The following DIO2 variants were observed in gnomAD, a reference collection of about 807,000 sequenced individuals.
DIO2 encodes the protein iodothyronine deiodinase 2.
A neutral mutation model predicts 21.4 loss-of-function variants in DIO2; 19 were observed. That is an observed-to-expected ratio of 0.89 (90% CI 0.62 to 1.30). The LOEUF (loss-of-function observed/expected upper bound fraction) is 1.30. DIO2 is among the 50% of genes most tolerant of loss of function. The probability of loss-of-function intolerance (pLI) is 0.00; values close to 1 mark genes in which losing one functional copy is unlikely to be tolerated. For missense variants in DIO2, 302 were observed against 338.1 expected, an observed-to-expected ratio of 0.89 and a Z score of 0.84; for synonymous variants, 122 against 132.9, an observed-to-expected ratio of 0.92 and a Z score of 0.57.
chr14:80,207,862 T>C (rs1180324946), intron 1 of DIO2, among the ~76,000 whole-genome samples: 1 of 152,208 alleles, frequency 6.6e-6, no homozygotes, highest in Non-Finnish European at 1.5e-5. Context: ...GCCTGCTTTG[T>C]GTTCTTTTGG....
intron 1 of DIO2, among the ~76,000 whole-genome samples, chr14:80,210,276 G>A (rs1428061490): frequency 1.3e-5 from 2 of 152,156 alleles, no homozygotes; most frequent in Non-Finnish European, 2.9e-5. Flanking sequence ...AGACCAGGGC[G>A]AAAATCATCC....
Position 80,201,977 on chromosome 14 carries a change from C to T in DIO2, c.*712G>A, listed in dbSNP as rs1375604962. 1.8e-5 allele frequency: 3 copies of T among 170,404 alleles called. No homozygotes were observed. The highest frequency in any genetic ancestry group is 3.7e-5 in the Non-Finnish European group (3 of 80,112). The allele number at this position is 170,404 out of a possible 1,614,324, so 10.6% of individuals were successfully genotyped here. On this transcript the variant is annotated 3_prime_UTR_variant, in exon 2 of 2. Transcript: ENST00000438257. ...GTGAATTTTCCAAATCTTTCTGCCT[C>T]CTCTTTCCTAGCTTGTCAATTTCAT...
intron 2 of DIO2, among the ~76,000 whole-genome samples, chr14:80,226,514 C>T (rs184419510): frequency 7.9e-5 from 12 of 152,308 alleles, no homozygotes; most frequent in African/African-American, 2.9e-4. Flanking sequence ...TGTGCCCTTC[C>T]CATGATGGAA....
chr14:80,216,539 A>G (rs1342468783), intron 3 of DIO2, among the ~76,000 whole-genome samples: 1 of 152,192 alleles, frequency 6.6e-6, no homozygotes, highest in Non-Finnish European at 1.5e-5. Context: ...ATCAGCCTCT[A>G]GAGACACCCA....
At chr14:80,222,505 T>G (rs61989395) in intron 2 of DIO2, among the ~76,000 whole-genome samples, 7 of 152,252 alleles carry the variant, frequency 4.6e-5, no homozygotes, top group African/African-American at 1.7e-4. Flanking sequence ...GTTCCCATAA[T>G]CATTGACATT....
rs1888187048 is a variant in DIO2, at chr14:80,211,396, G to A, written c.77C>T (p.Ala26Val). The change falls in exon 1 of 2, where the codon GCT becomes GTT. Residue 26 changes from alanine to valine, a missense_variant. Transcript: ENST00000438257. Reference protein sequence around the residue: ...PVFFSNCLFLALYDSVILLKH... With the variant: ...PVFFSNCLFLVLYDSVILLKH... ...GAGCAGAATGACCGAGTCATAGAGA[G>A]CCAGGAAGAGGCAGTTGGAGAAAAA... is the stretch of plus-strand genomic sequence containing the variant. The A allele has an allele frequency of 1.2e-6, 2 of 1,613,708 alleles. No homozygotes were observed. Among genetic ancestry groups the A allele is most frequent in the African/African-American group, 1.3e-5 (1 of 74,954 alleles).
intron 1 of DIO2, among the ~76,000 whole-genome samples, chr14:80,208,669 A>G (rs1211152376): frequency 6.6e-6 from 1 of 152,210 alleles, no homozygotes; most frequent in Non-Finnish European, 1.5e-5. Context: ...AGAACCTCTT[A>G]CAACGTCTCT....
At chr14:80,220,105 C>A (rs1268543030) in intron 2 of DIO2, among the ~76,000 whole-genome samples, 1 of 152,014 alleles carries the variant, frequency 6.6e-6, no homozygotes, top group East Asian at 1.9e-4. Context: ...GAGGGAGTCT[C>A]GCTCTGTCGC....
chr14:80,211,128 T>C, intron 1 of DIO2, 123 bp downstream of exon 1: 1 of 910,406 alleles, frequency 1.1e-6, no homozygotes, highest in Non-Finnish European at 1.6e-6. Flanking sequence ...AGAGGCTCAC[T>C]TGGCAACCCC....
At chr14:80,217,328 G>A (rs1201065761) in intron 2 of DIO2, among the ~76,000 whole-genome samples, 1 of 152,132 alleles carries the variant, frequency 6.6e-6, no homozygotes. Flanking sequence ...TAAGCTCGTG[G>A]TACTCTTAAA....
upstream of DIO2, among the ~76,000 whole-genome samples, chr14:80,212,407 T>G (rs1037398015): frequency 3.3e-5 from 5 of 152,008 alleles, no homozygotes; most frequent in African/African-American, 1.2e-4. Flanking sequence ...AGAAAAAAAC[T>G]AATACCCTTG....
chr14:80,227,039 T>A (rs1401241564), intron 2 of DIO2, among the ~76,000 whole-genome samples: 1 of 152,196 alleles, frequency 6.6e-6, no homozygotes, highest in Admixed American at 6.5e-5. Flanking sequence ...TCTCCTTCCA[T>A]GAAAAGTGCA....
At position 80,199,453 on chromosome 14, in the gene DIO2, A is replaced by G. The variant is rs757153978; in HGVS notation, c.*3236T>C. 2 of 152,232 alleles carry G rather than the reference A, an allele frequency of 1.3e-5. No homozygotes were observed. Among genetic ancestry groups the G allele is most frequent in the Admixed American group, 6.5e-5 (1 of 15,282 alleles). The allele number at this position is 152,232 out of a possible 1,614,324, so 9.4% of individuals were successfully genotyped here. On this transcript the variant is annotated 3_prime_UTR_variant, in exon 2 of 2. Coordinates refer to ENST00000438257, the MANE Select transcript of DIO2 (RefSeq NM_013989.5). ...AAAAGAAAGTCATGTAAGTTAAGTG[A>G]CTGTCACTTAGCTATACAAAGTAGG... is the stretch of plus-strand genomic sequence containing the variant.
Position 80,229,513 on chromosome 14 carries a change from T to C in DIO2, c.-277-12776A>G, listed in dbSNP as rs1208045322. Among the ~76,000 whole-genome samples, 13 of 152,218 alleles carry C rather than the reference T, an allele frequency of 8.5e-5. No individual in the cohort carries two copies. The South Asian group carries it at 1.2e-3, about 15-fold the overall frequency. ...ACACATCTATTTTGCAAGGCATTGG[T>C]CAAGGGTATATCTTCTGGACCCTCC... On this transcript the variant is annotated intron_variant, in intron 2 of 4. Coordinates refer to the DIO2 transcript ENST00000553594.
intron 2 of DIO2, chr14:80,216,884 C>A (rs1888374119): frequency 6.6e-6 from 1 of 152,132 alleles, no homozygotes; most frequent in South Asian, 2.1e-4. Context: ...TAAAATAGGT[C>A]ATTCTTTATA....
At chr14:80,224,276 G>T (rs1042242206) in intron 2 of DIO2, among the ~76,000 whole-genome samples, 6 of 152,086 alleles carry the variant, frequency 3.9e-5, no homozygotes, top group African/African-American at 1.4e-4. Flanking sequence ...CAACTAGTTT[G>T]TTTCGCAATT....
chr14:80,209,840 G>C (rs1234371902), intron 1 of DIO2, among the ~76,000 whole-genome samples: 1 of 152,224 alleles, frequency 6.6e-6, no homozygotes. Context: ...GTTCACAACA[G>C]ATATTTTCTT....
chr14:80,200,317 T>C lies in DIO2; in HGVS notation c.*2372A>G, dbSNP rs76492270. The C allele has an allele frequency of 5.2e-3, 797 of 152,734 alleles. 4 individuals carry two copies. The highest frequency in any genetic ancestry group is 7.5e-3 in the Non-Finnish European group (510 of 68,038). The allele number at this position is 152,734 out of a possible 1,614,324, so 9.5% of individuals were successfully genotyped here. ...TCCATTGGGCTAACCTCAGGGAGAA[T>C]TGTCTGCACACATAAACGACCTCCT... On this transcript the variant is annotated 3_prime_UTR_variant, in exon 2 of 2. Transcript: ENST00000438257.
At chr14:80,204,204 T>TA (rs199694933) in intron 1 of DIO2, among the ~76,000 whole-genome samples, 53 of 149,932 alleles carry the variant, frequency 3.5e-4, no homozygotes, top group East Asian at 1.2e-3. Context: ...AATTTCCATT[T>TA]AAAAAAAAAA....
Sources: allele counts gnomAD v4.1 joint callset (sites outside exome capture counted in the v4.1 genomes callset), GRCh38; gene constraint gnomAD v4.1.1; transcripts MANE v1.5; gene names NCBI Gene and HGNC (gene_info 2026-07-23, HGNC 2026-07-21).